Variants in GC observed in about 807,000 individuals in gnomAD.
The protein encoded by GC is GC vitamin D binding protein.
GC carries 43 observed loss-of-function variants against 56.7 expected under a neutral mutation model. That is an observed-to-expected ratio of 0.76 (90% confidence interval 0.59 to 0.98). The LOEUF is 0.98. Among genes scored for constraint, GC ranks in the 50% least tolerant of loss-of-function variants. GC has a pLI of 0.00. For missense variants in GC, 529 were observed against 545.9 expected (o/e 0.97, Z 0.31); for synonymous variants, 216 against 202.7 (o/e 1.07, Z -0.56).
upstream of GC, among the ~76,000 whole-genome samples, chr4:71,785,159 G>T (rs190957552): frequency 3.3e-5 from 5 of 151,822 alleles, no homozygotes; most frequent in Non-Finnish European, 7.4e-5. Flanking sequence ...CAGTACATTT[G>T]ACACAACATT....
chr4:71,755,161 T>TATTTATTTATTTATTG (rs1741726385), intron 8 of GC, 54 bp from the exon 9 acceptor site: 1 of 690,612 alleles, frequency 1.4e-6, no homozygotes, highest in Non-Finnish European at 2.0e-6. Context: ...TTTATTTATT[T>TATTTATTTATTTATTG]ATTTATTTAT....
chr4:71,772,057 T>A (rs184046808), intron 1 of GC, among the ~76,000 whole-genome samples: 1 of 152,266 alleles, frequency 6.6e-6, no homozygotes, highest in East Asian at 1.9e-4. Context: ...GTTTTATCAT[T>A]GTAAATATCA....
intron 1 of GC, among the ~76,000 whole-genome samples, chr4:71,796,861 C>T (rs1161868368): frequency 1.3e-5 from 2 of 152,082 alleles, no homozygotes; most frequent in African/African-American, 4.8e-5. Context: ...TGTGGATGTC[C>T]TTTTTGTTGA....
intron 1 of GC, among the ~76,000 whole-genome samples, chr4:71,801,754 A>T (rs1050689142): frequency 3.3e-5 from 5 of 150,758 alleles, no homozygotes; most frequent in African/African-American, 1.2e-4. Context: ...ATTATCTAAG[A>T]GTAAATTTAA....
upstream of GC, among the ~76,000 whole-genome samples, chr4:71,786,805 C>G (rs577608425): frequency 6.6e-6 from 1 of 151,990 alleles, no homozygotes; most frequent in East Asian, 1.9e-4. Context: ...CTTCTAAAAA[C>G]TCTTGCAGTA....
At chr4:71,792,930 T>C (rs967996792) in intron 1 of GC, among the ~76,000 whole-genome samples, 3 of 152,298 alleles carry the variant, frequency 2.0e-5, no homozygotes, top group Non-Finnish European at 4.4e-5. Context: ...CCTTTCCCCA[T>C]TGCTTGTTTT....
chr4:71,755,039 G>A lies in GC; in HGVS notation c.1103C>T (p.Thr368Ile). Reference sequence around the variant, plus strand: ...ACAGCATTCACCAAGGCTTTTTAGGGTTGGCTCAAGTACCTTACTGAGGAA... The same window carrying A: ...ACAGCATTCACCAAGGCTTTTTAGGATTGGCTCAAGTACCTTACTGAGGAA... The part of the protein sequence containing the change: ...EVFLSKVLEP[T>I]LKSLGECCDV... Residue 368 changes from threonine (T) to isoleucine (I), a missense_variant, in exon 9 of 13, where the codon ACC becomes ATC. Thr to Ile is a moderately conservative substitution (Grantham distance 89). Coordinates refer to ENST00000273951, the MANE Select transcript of GC (RefSeq NM_000583.4). The A allele has an allele frequency of 1.9e-6, 3 of 1,596,400 alleles. No homozygotes were observed. The highest frequency in any genetic ancestry group is 2.6e-6 in the Non-Finnish European group (3 of 1,167,952).
intron 1 of GC, among the ~76,000 whole-genome samples, chr4:71,782,361 T>C (rs1246114708): frequency 6.6e-6 from 1 of 151,816 alleles, no homozygotes; most frequent in Non-Finnish European, 1.5e-5. Context: ...TGGGTCATGC[T>C]CAGGTATTAG....
intron 1 of GC, among the ~76,000 whole-genome samples, chr4:71,791,799 A>G (rs1742974093): frequency 6.6e-6 from 1 of 151,948 alleles, no homozygotes; most frequent in South Asian, 2.1e-4. Context: ...TATTTCTCCT[A>G]ATGCTATCCC....
chr4:71,790,888 G>A (rs1359455232), intron 1 of GC, among the ~76,000 whole-genome samples: 1 of 151,714 alleles, frequency 6.6e-6, no homozygotes, highest in Non-Finnish European at 1.5e-5. Context: ...TTAGCATTAG[G>A]TATATGTCCT....
intron 11 of GC, among the ~76,000 whole-genome samples, chr4:71,749,275 G>A (rs111689073): frequency 3.8e-4 from 58 of 152,298 alleles, no homozygotes; most frequent in Non-Finnish European, 6.9e-4. Flanking sequence ...AGAAGTGAGA[G>A]AGCTACAAAC....
chr4:71,805,226 A>G (rs1335624926), upstream of GC, among the ~76,000 whole-genome samples: 1 of 152,078 alleles, frequency 6.6e-6, no homozygotes, highest in Non-Finnish European at 1.5e-5. Context: ...ATACTTTTAT[A>G]TTTGCTGTTG....
chr4:71,797,148 C>T (rs964540955), intron 1 of GC, among the ~76,000 whole-genome samples: 1 of 152,232 alleles, frequency 6.6e-6, no homozygotes, highest in African/African-American at 2.4e-5. Flanking sequence ...GGGTCAGGGA[C>T]CCACTTGAGG....
chr4:71,741,699 G>A lies in GC; in HGVS notation c.*197C>T, dbSNP rs2149290524. 1.5e-6 allele frequency: 1 copy of A among 651,466 alleles called. No homozygotes were observed. The highest frequency in any genetic ancestry group is 2.7e-5 in the East Asian group (1 of 36,830). 40.4% of individuals were successfully genotyped at this position (651,466 alleles called of 1,614,324 possible). A position where few individuals can be genotyped will look rare whatever the true frequency, so the allele number is the denominator to read the frequency against. ...CACATAATTCTCAGTCATATTTATG[G>A]TTTGCATTATATTTCAATTTATTTT... On this transcript the variant is annotated 3_prime_UTR_variant, in exon 13 of 13. Transcript: ENST00000273951.
chr4:71,768,322 G>A lies in GC; in HGVS notation c.240C>T (p.Asp80=). 1.9e-6 allele frequency: 3 copies of A among 1,612,174 alleles called. No homozygotes were observed. The highest frequency in any genetic ancestry group is 2.5e-6 in the Non-Finnish European group (3 of 1,179,090). ...LTEACCAEGA[D]PDCYDTRTSA... ...CTACCCTGGTGTCATAGCAGTCAGG[G>A]TCAGCCCCTTCCGCACAGCAGGCTT... The change falls in exon 3 of 13, where the codon GAC becomes GAT. Residue 80 remains aspartate, a synonymous_variant. Transcript: ENST00000273951.
chr4:71,801,392 C>A (rs1258092784), intron 1 of GC, among the ~76,000 whole-genome samples: 5 of 152,220 alleles, frequency 3.3e-5, no homozygotes, highest in African/African-American at 1.2e-4. Context: ...CTCTGCCCTG[C>A]AAATTCCACT....
At chr4:71,775,770 T>C (rs1327624097) in intron 1 of GC, among the ~76,000 whole-genome samples, 1 of 152,042 alleles carries the variant, frequency 6.6e-6, no homozygotes, top group African/African-American at 2.4e-5. Flanking sequence ...AACAGGTTAA[T>C]ATACAAAATA....
At chr4:71,758,827 C>A (rs1435795986) in intron 6 of GC, among the ~76,000 whole-genome samples, 2 of 152,058 alleles carry the variant, frequency 1.3e-5, no homozygotes, top group Non-Finnish European at 2.9e-5. Context: ...GGTATACATT[C>A]AGTATTTAAG....
At chr4:71,793,667 C>T (rs1743024479) in intron 1 of GC, among the ~76,000 whole-genome samples, 1 of 152,134 alleles carries the variant, frequency 6.6e-6, no homozygotes, top group African/African-American at 2.4e-5. Context: ...TGCCTGATTG[C>T]CCCAACCGGA....
Sources: gnomAD v4.1 joint callset for allele counts (sites outside exome capture counted in the v4.1 genomes callset) on GRCh38, gnomAD v4.1.1 for gene constraint, MANE v1.5 for transcripts, NCBI Gene and HGNC (gene_info 2026-07-23, HGNC 2026-07-21) for gene names.